Variants in GSC2 observed in about 807,000 individuals in gnomAD.
GSC2 encodes homeobox protein goosecoid-2.
GSC2 carries 12 observed loss-of-function variants against 11.3 expected under a neutral mutation model. The observed-to-expected ratio is 1.06, with a 90% CI of 0.68 to 1.72. The LOEUF is 1.72. Among genes scored for constraint, GSC2 ranks in the 40% most tolerant of loss-of-function variants. The pLI, the probability that GSC2 is intolerant of heterozygous loss-of-function variation, is 0.00. For synonymous variants in GSC2, 148 were observed against 110.0 expected, an observed-to-expected ratio of 1.35 and a Z score of -2.16; for missense variants, 310 against 235.7, an observed-to-expected ratio of 1.32 and a Z score of -2.06.
chr22:19,147,963 T>C lies in GSC2; in HGVS notation c.*1028A>G, dbSNP rs1555917667. Among the ~76,000 whole-genome samples the C allele has an allele frequency of 6.6e-6, 1 of 152,124 alleles. No individual in the cohort carries two copies. Among genetic ancestry groups the C allele is most frequent in the African/African-American group, 2.4e-5 (1 of 41,414 alleles). ...TCTAAGGCTTCTTTCCACTGTGCCT[T>C]TTGCCATGGGCCAGGATAAAGAAGG... On this transcript the variant is annotated 3_prime_UTR_variant, in exon 3 of 3. Coordinates refer to ENST00000086933, the MANE Select transcript of GSC2 (RefSeq NM_005315.2).
chr22:19,148,785 A>T lies in GSC2; in HGVS notation c.*206T>A. On this transcript the variant is annotated 3_prime_UTR_variant, in exon 3 of 3. Coordinates refer to ENST00000086933, the MANE Select transcript of GSC2 (RefSeq NM_005315.2). ...CCAGCCCACCCCCAAGGGACTCGCC[A>T]CTCCCACTGCCGTGGAACACCAAGC... 1.9e-6 allele frequency: 1 copy of T among 535,636 alleles called. No individual in the cohort carries two copies. Among genetic ancestry groups the T allele is most frequent in the South Asian group, 2.5e-5 (1 of 39,518 alleles). The allele number at this position is 535,636 out of a possible 1,614,324, so 33.2% of individuals were successfully genotyped here.
In GSC2 at chr22:19,149,777, G is replaced by C. The variant is rs201641909; in HGVS notation, c.399C>G (p.Phe133Leu). The C allele has an allele frequency of 1.4e-5, 22 of 1,595,296 alleles. No individual in the cohort carries two copies. Among genetic ancestry groups the C allele is most frequent in the Non-Finnish European group, 1.9e-5 (22 of 1,172,856 alleles). ...QRRTRRHRTI[F>L]SEEQLQALEA... ...CGAGCGCCTGCAGCTGCTCTTCGCTGAAGATGGTGCGGTGGCGCCTCGTGC... is the reference window on the plus strand; with the variant it reads ...CGAGCGCCTGCAGCTGCTCTTCGCTCAAGATGGTGCGGTGGCGCCTCGTGC... The change falls in exon 2 of 3, where the codon TTC becomes TTG. Residue 133 changes from phenylalanine (F) to leucine (L), a missense_variant. Transcript: ENST00000086933.
In GSC2 at chr22:19,149,043, G is replaced by A; in HGVS notation, c.566C>T (p.Ala189Val). 1.2e-6 allele frequency: 2 copies of A among 1,602,318 alleles called. No individual in the cohort carries two copies. Among genetic ancestry groups the A allele is most frequent in the Non-Finnish European group, 1.7e-6 (2 of 1,174,756 alleles). The change falls in exon 3 of 3, where the codon GCT becomes GTT. Residue 189 changes from alanine to valine, a missense_variant. Transcript: ENST00000086933. Reference sequence around the variant, plus strand: ...GACGCCGGGCAGGAGCCTCGCGGAAGCCGACGCGCGCTTCTGGTGTCGCCA... The same window carrying A: ...GACGCCGGGCAGGAGCCTCGCGGAAACCGACGCGCGCTTCTGGTGTCGCCA... ...AKWRHQKRASASARLLPGVKK... is the reference protein window; with the variant it reads ...AKWRHQKRASVSARLLPGVKK...
intron 2 of GSC2, among the ~76,000 whole-genome samples, chr22:19,149,427 T>A (rs2083813392): frequency 6.6e-6 from 1 of 152,188 alleles, no homozygotes; most frequent in South Asian, 2.1e-4. Flanking sequence ...GAGGAAAGTG[T>A]AAAACAAAAG....
rs2083801335 is a variant in GSC2, at chr22:19,147,905, G to A, written c.*1086C>T. ...CCAGCTGGGGGTGGGGATGTGAGAT[G>A]CTTTGGACCCACTGTAGGGCCTACT... On this transcript the variant is annotated 3_prime_UTR_variant, in exon 3 of 3. Coordinates refer to ENST00000086933, the MANE Select transcript of GSC2 (RefSeq NM_005315.2). 6.6e-6 allele frequency among the ~76,000 whole-genome samples: 1 copy of A among 152,136 alleles called. No homozygotes were observed.
Position 19,147,849 on chromosome 22 carries a change from G to A in GSC2, c.*1142C>T, listed in dbSNP as rs998212038. On this transcript the variant is annotated 3_prime_UTR_variant, in exon 3 of 3. Coordinates refer to ENST00000086933, the MANE Select transcript of GSC2 (RefSeq NM_005315.2). ...GTAGAATGGCCCCATTCCCTGCAGG[G>A]CCTGTAAGGAGACAGAACGAGGTGC... is the stretch of plus-strand genomic sequence containing the variant. Among the ~76,000 whole-genome samples, 1 of 152,144 alleles carries A rather than the reference G, an allele frequency of 6.6e-6. No homozygotes were observed. Among genetic ancestry groups the A allele is most frequent in the Non-Finnish European group, 1.5e-5 (1 of 68,016 alleles).
intron 2 of GSC2, 33 bp downstream of exon 2, chr22:19,149,630 G>A (rs2083815254): frequency 1.3e-6 from 2 of 1,495,332 alleles, no homozygotes; most frequent in Non-Finnish European, 1.8e-6. Context: ...CGCGGCCCGC[G>A]CGCTCCGGGG....
rs576472925 is a variant in GSC2 at position 19,147,055 on chromosome 22, G to A, written c.*1936C>T. Among the ~76,000 whole-genome samples the A allele has an allele frequency of 1.3e-5, 2 of 152,290 alleles. No homozygotes were observed. The highest frequency in any genetic ancestry group is 6.5e-5 in the Admixed American group (1 of 15,292). On this transcript the variant is annotated 3_prime_UTR_variant, in exon 3 of 3. Coordinates refer to ENST00000086933, the MANE Select transcript of GSC2 (RefSeq NM_005315.2). ...AGTAAAACTGACTTCCTGTCAGCCT[G>A]GGTATAGTGGATGATCAGGAGAGGG...
intron 2 of GSC2, 31 bp downstream of exon 2, chr22:19,149,631 CG>C (rs2146121085): frequency 6.7e-7 from 1 of 1,496,226 alleles, no homozygotes; most frequent in Non-Finnish European, 8.9e-7. Flanking sequence ...GCGGCCCGCG[CG>C]CTCCGGGGAA....
In GSC2 at chr22:19,147,597, C is replaced by G. The variant is rs1246691637; in HGVS notation, c.*1394G>C. Among the ~76,000 whole-genome samples, 3 of 152,186 alleles carry G rather than the reference C, an allele frequency of 2.0e-5. No individual in the cohort carries two copies. Among genetic ancestry groups the G allele is most frequent in the Non-Finnish European group, 2.9e-5 (2 of 68,036 alleles). On this transcript the variant is annotated 3_prime_UTR_variant, in exon 3 of 3. Transcript: ENST00000086933. ...GGACACGGGCATGTCCACAGGTAGT[C>G]TGTTCAGTCCCCAAGGGCAAGACCA...
In GSC2 at chr22:19,149,095, C is replaced by A. The variant is rs1183084024; in HGVS notation, c.514G>T (p.Val172Phe). Residue 172 changes from valine to phenylalanine, a missense_variant and splice_region_variant, in exon 3 of 3, where the codon GTC (valine) becomes TTC (phenylalanine). Val to Phe is a conservative substitution (Grantham distance 50, BLOSUM62 -1). Transcript: ENST00000086933. The part of the protein sequence containing the change: ...RIRLREERVE[V>F]WFKNRRAKWR... Reference sequence around the variant, plus strand: ...TTGGCCCGGCGGTTCTTGAACCAGACCTGGGGATGGGGGGAATGCTCAGCC... The same window carrying A: ...TTGGCCCGGCGGTTCTTGAACCAGAACTGGGGATGGGGGGAATGCTCAGCC... 5 of 1,567,512 alleles carry A rather than the reference C, an allele frequency of 3.2e-6. No individual in the cohort carries two copies. Among genetic ancestry groups the A allele is most frequent in the Non-Finnish European group, 4.3e-6 (5 of 1,151,662 alleles).
Position 19,147,468 on chromosome 22 carries a change from G to T in GSC2, c.*1523C>A, listed in dbSNP as rs948211101. ...TGGAAGGTGGCGCTCCACAAGCTCT[G>T]ATCGGGGCTCCCAAAACAATGACAG... On this transcript the variant is annotated 3_prime_UTR_variant, in exon 3 of 3. Transcript: ENST00000086933. Among the ~76,000 whole-genome samples, 1 of 152,162 alleles carries T rather than the reference G, an allele frequency of 6.6e-6. No individual in the cohort carries two copies.
rs2083805130 is a variant in GSC2, at chr22:19,148,491, T to C, written c.*500A>G. On this transcript the variant is annotated 3_prime_UTR_variant, in exon 3 of 3. Transcript: ENST00000086933. ...GACCTTCTTATTCTACAGGTCCAGA[T>C]ACCAAGACCCAGCCCAGGGCCTGGG... 1 of 153,156 alleles carries C rather than the reference T, an allele frequency of 6.5e-6. No homozygotes were observed. The highest frequency in any genetic ancestry group is 1.5e-5 in the Non-Finnish European group (1 of 68,836). 9.5% of individuals were successfully genotyped at this position (153,156 alleles called of 1,614,324 possible). A position where few individuals can be genotyped will look rare whatever the true frequency, so the allele number is the denominator to read the frequency against.
In GSC2 at chr22:19,149,751, TC is replaced by T; in HGVS notation, c.424del (p.Glu142ArgfsTer12). On this transcript the variant is annotated frameshift_variant, in exon 2 of 3. Coordinates refer to ENST00000086933, the MANE Select transcript of GSC2 (RefSeq NM_005315.2). LOFTEE classifies it high-confidence loss of function. ...ATACTGGTTCTGCACGAAAAGCGCC[TC>T]GAGCGCCTGCAGCTGCTCTTCGCTG... ...IFSEEQLQALEALFVQNQYPD... is the reference protein window; with the variant it reads ...IFSEEQLQALXALFVQNQYPD... The T allele has an allele frequency of 6.3e-7, 1 of 1,595,612 alleles. No individual in the cohort carries two copies. The highest frequency in any genetic ancestry group is 8.5e-7 in the Non-Finnish European group (1 of 1,172,870).
chr22:19,149,868 G>C lies in GSC2; in HGVS notation c.308C>G (p.Ser103Cys). 1 of 1,483,278 alleles carries C rather than the reference G, an allele frequency of 6.7e-7. No individual in the cohort carries two copies. The highest frequency in any genetic ancestry group is 8.9e-7 in the Non-Finnish European group (1 of 1,121,666). The allele number at this position is 1,483,278 out of a possible 1,614,324, so 91.9% of individuals were successfully genotyped here. ...PLRLGPAVPL[S>C]LGAPAGGSGA... The stretch of plus-strand genomic sequence containing the variant: ...GGAACCTCCGGCTGGCGCACCCAGA[G>C]ACAAGGGCACCGCCGGTCCCAGCCT... Residue 103 changes from serine to cysteine, a missense_variant, in exon 2 of 3, where the codon TCT becomes TGT. Physicochemically the swap from Ser to Cys is moderately radical, Grantham distance 112. Transcript: ENST00000086933.
chr22:19,147,474 G>C lies in GSC2; in HGVS notation c.*1517C>G, dbSNP rs1411286893. Among the ~76,000 whole-genome samples, 1 of 152,140 alleles carries C rather than the reference G, an allele frequency of 6.6e-6. No individual in the cohort carries two copies. Among genetic ancestry groups the C allele is most frequent in the Admixed American group, 6.5e-5 (1 of 15,276 alleles). On this transcript the variant is annotated 3_prime_UTR_variant, in exon 3 of 3. Transcript: ENST00000086933. ...GTGGCGCTCCACAAGCTCTGATCGGGGCTCCCAAAACAATGACAGATGGCC... is the reference window on the plus strand; with the variant it reads ...GTGGCGCTCCACAAGCTCTGATCGGCGCTCCCAAAACAATGACAGATGGCC...
intron 2 of GSC2, 68 bp downstream of exon 2, chr22:19,149,595 C>G (rs1295635627): frequency 2.8e-6 from 4 of 1,403,868 alleles, no homozygotes; most frequent in East Asian, 2.9e-5. Flanking sequence ...GGCGCCCGCC[C>G]GCCAGGACCC....
intron 2 of GSC2, 54 bp from the exon 3 acceptor site, chr22:19,149,149 T>C (rs2083810655): frequency 2.7e-6 from 3 of 1,093,226 alleles, no homozygotes; most frequent in Non-Finnish European, 3.9e-6. Flanking sequence ...TCCCACCGGC[T>C]CCCGAGGGTC....
At chr22:19,149,585 G>A in intron 2 of GSC2, 78 bp downstream of exon 2, 1 of 1,380,808 alleles carries the variant, frequency 7.2e-7, no homozygotes, top group East Asian at 3.0e-5. Context: ...CTTTGCAAAG[G>A]GCGCCCGCCC....
Sources: allele counts gnomAD v4.1 joint callset (sites outside exome capture counted in the v4.1 genomes callset), GRCh38; gene constraint gnomAD v4.1.1; transcripts MANE v1.5; gene names NCBI Gene and HGNC (gene_info 2026-07-23, HGNC 2026-07-21).